ELMOD2: variants seen among roughly 807,000 people sequenced by gnomAD.
ELMOD2 encodes ELMO domain containing 2.
In ELMOD2, 28 loss-of-function variants were observed where a neutral mutation model predicts 41.0. That is an observed-to-expected ratio of 0.68 (90% CI 0.51 to 0.94). The LOEUF is 0.94. Among genes scored for constraint, ELMOD2 ranks in the 40% least tolerant of loss-of-function variants. ELMOD2 has a pLI of 0.00. For missense variants in ELMOD2, 333 were observed against 343.1 expected (o/e 0.97, Z 0.23); for synonymous variants, 106 against 107.2 (o/e 0.99, Z 0.07).
chr4:140,527,226 C>A (rs1734592295), intron 2 of ELMOD2, among the ~76,000 whole-genome samples: 1 of 152,084 alleles, frequency 6.6e-6, no homozygotes, highest in Non-Finnish European at 1.5e-5. Context: ...ACATATGACC[C>A]CAGGTAATGA....
chr4:140,541,081 C>T (rs531180812), intron 6 of ELMOD2, among the ~76,000 whole-genome samples: 2 of 152,256 alleles, frequency 1.3e-5, no homozygotes, highest in Admixed American at 1.3e-4. Context: ...CTACATGTAT[C>T]GAAATCCCCA....
intron 8 of ELMOD2, among the ~76,000 whole-genome samples, chr4:140,549,032 T>G (rs937275132): frequency 1.3e-5 from 2 of 151,170 alleles, no homozygotes; most frequent in African/African-American, 4.9e-5. Flanking sequence ...TATGTACTCC[T>G]TGGTAATCCA....
chr4:140,544,510 A>T (rs1160521786), intron 8 of ELMOD2, among the ~76,000 whole-genome samples: 1 of 151,992 alleles, frequency 6.6e-6, no homozygotes, highest in Non-Finnish European at 1.5e-5. Context: ...TCTTCTCCAC[A>T]TTGAAAGTAT....
At position 140,530,234 on chromosome 4, in the gene ELMOD2, G is replaced by T. The variant is rs933860791; in HGVS notation, c.171+2740G>T. Among the ~76,000 whole-genome samples, 3 of 152,238 alleles carry T rather than the reference G, an allele frequency of 2.0e-5. No homozygotes were observed. In the East Asian group the frequency reaches 5.8e-4, roughly 29 times the overall value. ...GGTCACAGAATTTATTAATGGGATT[G>T]TATGTGTGGTAAAATCATGCCAAGC... On this transcript the variant is annotated intron_variant, in intron 3 of 8. Coordinates refer to ENST00000323570, the MANE Select transcript of ELMOD2 (RefSeq NM_153702.4).
At chr4:140,525,917 A>G (rs1367775898) in intron 2 of ELMOD2, among the ~76,000 whole-genome samples, 21 of 152,228 alleles carry the variant, frequency 1.4e-4, no homozygotes, top group Non-Finnish European at 7.3e-5. Flanking sequence ...GCCTCAGTCT[A>G]CATCCATTTT....
In ELMOD2 at chr4:140,542,593, A is replaced by C. The variant is rs748555886; in HGVS notation, c.553A>C (p.Thr185Pro). The C allele has an allele frequency of 5.0e-6, 8 of 1,606,064 alleles. No individual in the cohort carries two copies. The highest frequency in any genetic ancestry group is 6.8e-6 in the Non-Finnish European group (8 of 1,175,786). ...TTTTAGGTATTTCAGTGAAAATTAC[A>C]CTAGTGAAGCTCATCAGATTCTTTC... Reference protein sequence around the residue: ...INLVYFSENYTSEAHQILSRS... With the variant: ...INLVYFSENYPSEAHQILSRS... The change falls in exon 7 of 9, where the codon ACT becomes CCT. Residue 185 changes from threonine (T) to proline (P), a missense_variant. Coordinates refer to ENST00000323570, the MANE Select transcript of ELMOD2 (RefSeq NM_153702.4).
chr4:140,533,828 G>A (rs961570167), intron 3 of ELMOD2, among the ~76,000 whole-genome samples: 2 of 149,844 alleles, frequency 1.3e-5, no homozygotes, highest in Non-Finnish European at 3.0e-5. Context: ...GTATATATAC[G>A]TGTGTGTGTG....
At chr4:140,549,995 T>G (rs1281735828) in intron 8 of ELMOD2, among the ~76,000 whole-genome samples, 1 of 152,122 alleles carries the variant, frequency 6.6e-6, no homozygotes, top group Non-Finnish European at 1.5e-5. Flanking sequence ...GTGAAAGTAC[T>G]ATATCTTTTA....
chr4:140,528,858 A>T (rs568236776), intron 3 of ELMOD2, among the ~76,000 whole-genome samples: 2 of 152,230 alleles, frequency 1.3e-5, no homozygotes, highest in African/African-American at 2.4e-5. Context: ...AGTGATTAAT[A>T]TATTTTTTAA....
intron 2 of ELMOD2, among the ~76,000 whole-genome samples, chr4:140,526,379 T>C (rs902428443): frequency 1.3e-5 from 2 of 152,224 alleles, no homozygotes; most frequent in Non-Finnish European, 2.9e-5. Flanking sequence ...CAGTGCTTCA[T>C]TGAAAATTTT....
In ELMOD2 at chr4:140,535,845, CATT is replaced by C. The variant is rs756259340; in HGVS notation, c.269+19_269+21del. ...AAGGATGCCAGGTGTGCGTTTTTTACATTATTCTTTTTTATTATGCATTTATAG... is the reference window on the plus strand; with the variant it reads ...AAGGATGCCAGGTGTGCGTTTTTTACATTCTTTTTTATTATGCATTTATAG... On this transcript the variant is annotated intron_variant, in intron 4 of 8. Coordinates refer to ENST00000323570, the MANE Select transcript of ELMOD2 (RefSeq NM_153702.4). The C allele has an allele frequency of 1.9e-6, 3 of 1,588,692 alleles. No homozygotes were observed. The East Asian group carries it at 6.7e-5, about 36-fold the overall frequency.
intron 6 of ELMOD2, 99 bp downstream of exon 6, chr4:140,540,400 A>G (rs959307332): frequency 2.8e-6 from 4 of 1,442,658 alleles, no homozygotes; most frequent in Non-Finnish European, 3.8e-6. Context: ...GATTCATACT[A>G]TCTCTGAATT....
chr4:140,548,640 CTG>C (rs944162971), intron 8 of ELMOD2, among the ~76,000 whole-genome samples: 1 of 152,108 alleles, frequency 6.6e-6, no homozygotes, highest in Non-Finnish European at 1.5e-5. Context: ...CACTTACAAA[CTG>C]TGTGATTTGG....
chr4:140,526,002 G>C (rs1350297644), intron 2 of ELMOD2, among the ~76,000 whole-genome samples: 1 of 152,092 alleles, frequency 6.6e-6, no homozygotes, highest in African/African-American at 2.4e-5. Flanking sequence ...TGTATCCAGT[G>C]GTCTCTAGGA....
intron 6 of ELMOD2, among the ~76,000 whole-genome samples, chr4:140,541,117 T>A (rs192333353): frequency 6.6e-6 from 1 of 152,208 alleles, no homozygotes; most frequent in African/African-American, 2.4e-5. Context: ...TCACAATTGA[T>A]AGACAAAACT....
chr4:140,535,875 C>G, intron 4 of ELMOD2, 45 bp downstream of exon 4: 1 of 1,531,664 alleles, frequency 6.5e-7, no homozygotes, highest in Non-Finnish European at 8.9e-7. Flanking sequence ...CATTTATAGC[C>G]TGTGAGGTAT....
Position 140,550,456 on chromosome 4 carries a change from A to G in ELMOD2, c.*81A>G. The G allele has an allele frequency of 1.5e-6, 2 of 1,327,088 alleles. No individual in the cohort carries two copies. Among genetic ancestry groups the G allele is most frequent in the Non-Finnish European group, 2.0e-6 (2 of 976,396 alleles). The allele number at this position is 1,327,088 out of a possible 1,614,324, so 82.2% of individuals were successfully genotyped here. On this transcript the variant is annotated 3_prime_UTR_variant, in exon 9 of 9. Transcript: ENST00000323570. ...ATGTTGTAATAGGAATTATCTGATCAATTACACTCTTATATATAATTTCCT... is the reference window on the plus strand; with the variant it reads ...ATGTTGTAATAGGAATTATCTGATCGATTACACTCTTATATATAATTTCCT...
intron 3 of ELMOD2, among the ~76,000 whole-genome samples, chr4:140,534,649 G>A (rs1734856494): frequency 6.6e-6 from 1 of 152,166 alleles, no homozygotes; most frequent in Non-Finnish European, 1.5e-5. Flanking sequence ...TATGCCTTGG[G>A]CAAGTTCATT....
At position 140,524,624 on chromosome 4, in the gene ELMOD2, C is replaced by G. The variant is rs925567005; in HGVS notation, c.-10+344C>G. On this transcript the variant is annotated intron_variant, in intron 1 of 8. Coordinates refer to ENST00000323570, the MANE Select transcript of ELMOD2 (RefSeq NM_153702.4). The stretch of plus-strand genomic sequence containing the variant: ...TTTCTGCACTGACCTGCGGGTACTT[C>G]GAACTTCGACAGTCCCTCCTCAGGC... The G allele has an allele frequency of 5.1e-6, 5 of 985,342 alleles. No homozygotes were observed. In the African/African-American group the frequency reaches 5.2e-5, roughly 10 times the overall value. The allele number at this position is 985,342 out of a possible 1,614,324, so 61.0% of individuals were successfully genotyped here.
Sources: gnomAD v4.1 joint callset for allele counts (sites outside exome capture counted in the v4.1 genomes callset) on GRCh38, gnomAD v4.1.1 for gene constraint, MANE v1.5 for transcripts, NCBI Gene and HGNC (gene_info 2026-07-23, HGNC 2026-07-21) for gene names.